Variants in CHCHD3 observed in about 807,000 individuals in gnomAD.
The protein encoded by CHCHD3 is MICOS complex subunit MIC19.
Under a neutral mutation model 38.2 loss-of-function variants are expected in CHCHD3, and 20 were observed. The observed-to-expected ratio is 0.52, with a 90% confidence interval of 0.37 to 0.76. The LOEUF is 0.76. CHCHD3 is among the 30% of genes least tolerant of loss of function. The probability of loss-of-function intolerance (pLI) is 0.00; values close to 1 mark genes in which losing one functional copy is unlikely to be tolerated. For synonymous variants in CHCHD3, 82 were observed against 100.0 expected, an observed-to-expected ratio of 0.82 and a Z score of 1.07; for missense variants, 245 against 279.2, an observed-to-expected ratio of 0.88 and a Z score of 0.87.
Position 132,788,338 on chromosome 7 carries a change from C to T in CHCHD3, c.661-2678G>A, listed in dbSNP as rs916184891. Among the ~76,000 whole-genome samples, 5 of 152,200 alleles carry T rather than the reference C, an allele frequency of 3.3e-5. No individual in the cohort carries two copies. Among genetic ancestry groups the T allele is most frequent in the African/African-American group, 1.2e-4 (5 of 41,454 alleles). On this transcript the variant is annotated intron_variant, in intron 7 of 7. Transcript: ENST00000262570. The surrounding 1 kb of genome is among the most constrained non-coding windows in gnomAD (Gnocchi z 4.0). ...TAGATTCACTGCTTTCTTCAACACACTGATGGGAGCTTTGAGTTGTCATCT... is the reference window on the plus strand; with the variant it reads ...TAGATTCACTGCTTTCTTCAACACATTGATGGGAGCTTTGAGTTGTCATCT...
At chr7:132,975,056 G>GTC in intron 4 of CHCHD3, 113 bp downstream of exon 4, 2 of 838,936 alleles carry the variant, frequency 2.4e-6, no homozygotes, top group Non-Finnish European at 3.9e-6. Context: ...TGAGCAAAGA[G>GTC]AACATGAATA....
At chr7:132,809,379 A>G (rs530662181) in intron 6 of CHCHD3, among the ~76,000 whole-genome samples, 5 of 152,264 alleles carry the variant, frequency 3.3e-5, no homozygotes, top group Admixed American at 2.0e-4. Context: ...TCAAGCATAC[A>G]CTACTATTAC....
intron 5 of CHCHD3, among the ~76,000 whole-genome samples, chr7:132,872,086 A>G (rs1808780605): frequency 1.3e-5 from 2 of 152,296 alleles, no homozygotes; most frequent in South Asian, 4.1e-4. Flanking sequence ...GGCTGGCTTG[A>G]GGGTAGTTAA....
chr7:132,956,791 T>G (rs1811184144), intron 4 of CHCHD3, among the ~76,000 whole-genome samples: 1 of 152,174 alleles, frequency 6.6e-6, no homozygotes, highest in Non-Finnish European at 1.5e-5. Flanking sequence ...TTTCACTATC[T>G]AGGAAGTTAT....
At chr7:133,042,936 G>A (rs975535989) in intron 2 of CHCHD3, among the ~76,000 whole-genome samples, 20 of 152,072 alleles carry the variant, frequency 1.3e-4, no homozygotes, top group African/African-American at 4.1e-4. Context: ...GCACAAACAC[G>A]GCACACTGTA....
intron 5 of CHCHD3, among the ~76,000 whole-genome samples, chr7:132,868,313 T>C (rs563844126): frequency 4.6e-5 from 7 of 152,322 alleles, no homozygotes; most frequent in African/African-American, 1.7e-4. Flanking sequence ...CAGATCTTTT[T>C]GAAAAGTTAT....
rs1813653324 is a variant in CHCHD3, at chr7:133,035,671, G to C, written c.170-11044C>G. The C allele has an allele frequency of 1.2e-6, 2 of 1,612,498 alleles. No homozygotes were observed. The highest frequency in any genetic ancestry group is 2.2e-5 in the South Asian group (2 of 90,884). ...GCTGCCTCTGGAGTACTTCCCCGCAGCTCCTCATTGCTCACATAGTAGGCA... is the reference window on the plus strand; with the variant it reads ...GCTGCCTCTGGAGTACTTCCCCGCACCTCCTCATTGCTCACATAGTAGGCA... On this transcript the variant is annotated intron_variant, in intron 2 of 7. Transcript: ENST00000262570. The surrounding 1 kb of genome is among the most constrained non-coding windows in gnomAD (Gnocchi z 4.7).
At chr7:132,818,351 G>A (rs1807259813) in intron 6 of CHCHD3, among the ~76,000 whole-genome samples, 1 of 152,180 alleles carries the variant, frequency 6.6e-6, no homozygotes, top group African/African-American at 2.4e-5. Flanking sequence ...GACCCACTAG[G>A]TTAATGGGAC....
chr7:132,787,933 G>A (rs1563235071), intron 7 of CHCHD3, among the ~76,000 whole-genome samples: 2 of 152,136 alleles, frequency 1.3e-5, no homozygotes, highest in South Asian at 2.1e-4. Flanking sequence ...TAGGTGCAGT[G>A]GAAGATTGCT....
intron 2 of CHCHD3, among the ~76,000 whole-genome samples, chr7:133,064,242 A>T (rs1165295204): frequency 6.6e-6 from 1 of 152,214 alleles, no homozygotes; most frequent in African/African-American, 2.4e-5. Context: ...TCAACCCTAG[A>T]CTGTTGGCAG....
At chr7:132,998,401 G>A (rs529653927) in intron 3 of CHCHD3, among the ~76,000 whole-genome samples, 2 of 152,324 alleles carry the variant, frequency 1.3e-5, no homozygotes, top group South Asian at 2.1e-4. Flanking sequence ...AAAGACTGCG[G>A]ACGCCAGGCA....
intron 2 of CHCHD3, among the ~76,000 whole-genome samples, chr7:133,062,866 A>G (rs1466542361): frequency 6.6e-6 from 1 of 152,170 alleles, no homozygotes; most frequent in Non-Finnish European, 1.5e-5. Context: ...TGCAGTAACA[A>G]GGGCAGGGAC....
rs147836401 is a variant in CHCHD3, at chr7:132,933,875, T to G, written c.369+41294A>C. ...GACCAGAGTGTGCCAGTGGGATTTCTTAATAATAATGGGTGAAGGACTTGT... is the reference window on the plus strand; with the variant it reads ...GACCAGAGTGTGCCAGTGGGATTTCGTAATAATAATGGGTGAAGGACTTGT... On this transcript the variant is annotated intron_variant, in intron 4 of 7. Transcript: ENST00000262570. 5.3e-5 allele frequency among the ~76,000 whole-genome samples: 8 copies of G among 152,278 alleles called. No individual in the cohort carries two copies. The East Asian group carries it at 1.5e-3, about 29-fold the overall frequency.
chr7:132,988,427 A>C (rs1812184766), intron 3 of CHCHD3, among the ~76,000 whole-genome samples: 1 of 152,192 alleles, frequency 6.6e-6, no homozygotes, highest in South Asian at 2.1e-4. Flanking sequence ...GTAAGCATTC[A>C]AAATATATTT....
chr7:132,789,494 T>C (rs555174956), intron 7 of CHCHD3, among the ~76,000 whole-genome samples: 1 of 152,236 alleles, frequency 6.6e-6, no homozygotes, highest in South Asian at 2.1e-4. Flanking sequence ...AGACCTGAGA[T>C]TGCGTGTCAT....
At chr7:133,061,158 G>A (rs983007434) in intron 2 of CHCHD3, among the ~76,000 whole-genome samples, 1 of 151,994 alleles carries the variant, frequency 6.6e-6, no homozygotes, top group African/African-American at 2.4e-5. Flanking sequence ...TGGGGTGGAG[G>A]GCTCAAGTTT....
At chr7:132,988,986 T>C (rs896462918) in intron 3 of CHCHD3, among the ~76,000 whole-genome samples, 5 of 152,112 alleles carry the variant, frequency 3.3e-5, no homozygotes, top group African/African-American at 1.2e-4. Flanking sequence ...TAATATACAG[T>C]ATAACAACTA....
At chr7:132,888,891 C>G (rs1204363416) in intron 4 of CHCHD3, among the ~76,000 whole-genome samples, 2 of 151,784 alleles carry the variant, frequency 1.3e-5, no homozygotes, top group African/African-American at 4.8e-5. Flanking sequence ...AAGGGAGGGA[C>G]AGAGAAGGTT....
intron 4 of CHCHD3, among the ~76,000 whole-genome samples, chr7:132,933,144 G>A (rs923188978): frequency 4.6e-5 from 7 of 152,264 alleles, no homozygotes; most frequent in Admixed American, 1.3e-4. Context: ...CATCCTGAAC[G>A]TTAAACAGAA....
Sources: gnomAD v4.1 joint callset for allele counts (sites outside exome capture counted in the v4.1 genomes callset) on GRCh38, gnomAD v4.1.1 for gene constraint, Gnocchi (gnomAD v3.1) non-coding constraint, MANE v1.5 for transcripts, NCBI Gene and HGNC (gene_info 2026-07-23, HGNC 2026-07-21) for gene names.